Variants in HIPK3 observed in about 807,000 individuals in gnomAD.
HIPK3 encodes homeodomain interacting protein kinase 3.
HIPK3 carries 47 observed loss-of-function variants against 124.2 expected under a neutral mutation model. That is an observed-to-expected ratio of 0.38 (90% CI 0.30 to 0.48). HIPK3 has a LOEUF of 0.48. HIPK3 is among the 20% of genes least tolerant of loss of function. HIPK3 has a pLI of 0.98. For synonymous variants in HIPK3, 482 were observed against 515.2 expected (o/e 0.94, Z 0.87); for missense variants, 1,286 against 1,454.3 (o/e 0.88, Z 1.88).
chr11:33,282,814 T>C (rs1291959131), intron 1 of HIPK3, among the ~76,000 whole-genome samples: 1 of 152,100 alleles, frequency 6.6e-6, no homozygotes, highest in Non-Finnish European at 1.5e-5. Context: ...GGTTCGAACC[T>C]ATAGTCTATT....
chr11:33,287,351 T>C lies in HIPK3; in HGVS notation c.937T>C (p.Leu313=), dbSNP rs1217494938. The C allele has an allele frequency of 6.2e-7, 1 of 1,614,106 alleles. No individual in the cohort carries two copies. Among genetic ancestry groups the C allele is most frequent in the Non-Finnish European group, 8.5e-7 (1 of 1,180,004 alleles). The part of the protein sequence containing the change: ...LQQVATALKK[L]KSLGLIHADL... ...ACAAGTGGCCACTGCACTGAAAAAA[T>C]TGAAAAGTCTTGGTTTAATTCATGC... Residue 313 remains leucine, a synonymous_variant, in exon 2 of 17, where the codon TTG becomes CTG. Transcript: ENST00000303296.
intron 15 of HIPK3, 74 bp from the exon 16 acceptor site, chr11:33,352,064 T>C: frequency 7.0e-7 from 1 of 1,424,778 alleles, no homozygotes. Context: ...TTGTGTAAAA[T>C]ATCTAAAGAC....
intron 2 of HIPK3, among the ~76,000 whole-genome samples, chr11:33,316,965 A>G (rs571681373): frequency 7.2e-5 from 11 of 152,220 alleles, no homozygotes; most frequent in African/African-American, 2.6e-4. Flanking sequence ...TTAAACATTA[A>G]TCTTTTTTTA....
intron 3 of HIPK3, among the ~76,000 whole-genome samples, chr11:33,334,266 G>A (rs1183224581): frequency 6.6e-6 from 1 of 152,146 alleles, no homozygotes. Flanking sequence ...AATTACCTCT[G>A]CTTGGCATCG....
chr11:33,284,601 T>G (rs544808447), intron 1 of HIPK3, among the ~76,000 whole-genome samples: 1 of 152,246 alleles, frequency 6.6e-6, no homozygotes, highest in Admixed American at 6.5e-5. Context: ...GAGGCTGCAG[T>G]GAGCTATGAT....
At chr11:33,272,151 A>C (rs1393898827) in intron 1 of HIPK3, among the ~76,000 whole-genome samples, 2 of 152,182 alleles carry the variant, frequency 1.3e-5, no homozygotes. Context: ...TAATCCCAGC[A>C]CTTTGGGAGG....
chr11:33,344,381 A>G (rs1853433155), intron 8 of HIPK3, among the ~76,000 whole-genome samples: 2 of 152,354 alleles, frequency 1.3e-5, no homozygotes, highest in South Asian at 4.1e-4. Context: ...ATACTGTGGT[A>G]TATTTCACGA....
chr11:33,282,111 C>T (rs946395530), intron 1 of HIPK3, among the ~76,000 whole-genome samples: 1 of 152,176 alleles, frequency 6.6e-6, no homozygotes, highest in African/African-American at 2.4e-5. Flanking sequence ...TGGCCAAGCT[C>T]AGTGGCTCAT....
chr11:33,287,608 C>T (rs1461923908), intron 2 of HIPK3, 97 bp downstream of exon 2: 4 of 1,279,554 alleles, frequency 3.1e-6, no homozygotes, highest in Admixed American at 4.7e-5. Context: ...GAGACCACTT[C>T]AGTTAAATAA....
chr11:33,280,612 C>T (rs1610316), intron 1 of HIPK3, among the ~76,000 whole-genome samples: 101,212 of 151,976 alleles, frequency 0.67, 33,984 homozygotes, highest in Non-Finnish European at 0.72. Context: ...AGCATAGTGG[C>T]TGGGAATTGG....
intron 13 of HIPK3, 107 bp from the exon 14 acceptor site, chr11:33,349,040 G>T: frequency 9.1e-7 from 1 of 1,096,166 alleles, no homozygotes; most frequent in South Asian, 1.6e-5. Context: ...GTCCATGTAG[G>T]TCATTCTTAA....
At chr11:33,351,522 C>A in intron 14 of HIPK3, 86 bp from the exon 15 acceptor site, 1 of 831,984 alleles carries the variant, frequency 1.2e-6, no homozygotes, top group Non-Finnish European at 2.0e-6. Flanking sequence ...ATGTTCTCAT[C>A]AGTTCACTGG....
chr11:33,264,861 C>T (rs1490846610), intron 1 of HIPK3, among the ~76,000 whole-genome samples: 1 of 152,076 alleles, frequency 6.6e-6, no homozygotes, highest in African/African-American at 2.4e-5. Flanking sequence ...CATATAAAGG[C>T]CTAAAAGTGC....
intron 2 of HIPK3, 64 bp from the exon 3 acceptor site, chr11:33,328,446 C>G: frequency 6.7e-7 from 1 of 1,495,530 alleles, no homozygotes; most frequent in South Asian, 1.2e-5. Flanking sequence ...CCTAGAATGC[C>G]AGTTGAAATT....
rs1554963982 is a variant in HIPK3 at position 33,295,282 on chromosome 11, C to CA, written c.1097+7771_1097+7772insA. ...GGAGAGAAGCAGCCACCACCGCCCC[C>CA]CCCCCACAACTCCACCCCATCCCCG... On this transcript the variant is annotated intron_variant, in intron 2 of 16. Coordinates refer to ENST00000303296, the MANE Select transcript of HIPK3 (RefSeq NM_005734.5). Among the ~76,000 whole-genome samples, 220 of 149,390 alleles carry CA rather than the reference C, an allele frequency of 1.5e-3. 4 individuals are homozygous for CA. The highest frequency in any genetic ancestry group is 4.8e-3 in the African/African-American group (195 of 40,416).
At chr11:33,316,537 T>A (rs144099267) in intron 2 of HIPK3, among the ~76,000 whole-genome samples, 20 of 152,288 alleles carry the variant, frequency 1.3e-4, no homozygotes, top group African/African-American at 4.6e-4. Context: ...AGAAAATTGT[T>A]CCTGGCTGGG....
intron 4 of HIPK3, 125 bp from the exon 5 acceptor site, chr11:33,338,632 T>C (rs1317989493): frequency 7.7e-6 from 4 of 519,934 alleles, no homozygotes; most frequent in Non-Finnish European, 1.3e-5. Context: ...AAAAATACAT[T>C]TTTGATAGTG....
intron 8 of HIPK3, among the ~76,000 whole-genome samples, chr11:33,344,033 A>G (rs977217665): frequency 3.2e-4 from 48 of 152,358 alleles, no homozygotes; most frequent in Admixed American, 2.9e-3. Context: ...TGTTTATTAT[A>G]GGAATTTCAA....
rs369147055 is a variant in HIPK3 at position 33,351,679 on chromosome 11, A to G, written c.2879A>G (p.His960Arg). 1.7e-5 allele frequency: 27 copies of G among 1,614,112 alleles called. No individual in the cohort carries two copies. The highest frequency in any genetic ancestry group is 2.2e-5 in the East Asian group (1 of 44,896). ...DGSPTSDSSGHDSPFAESTFV... is the reference protein window; with the variant it reads ...DGSPTSDSSGRDSPFAESTFV... The stretch of plus-strand genomic sequence containing the variant: ...TCTCCGACATCTGACTCTTCCGGGC[A>G]TGACAGTCCATTTGCAGAGAGCACT... Residue 960 changes from histidine to arginine, a missense_variant, in exon 15 of 17, where the codon CAT becomes CGT. Transcript: ENST00000303296.
Sources: gnomAD v4.1 joint callset for allele counts (sites outside exome capture counted in the v4.1 genomes callset) on GRCh38, gnomAD v4.1.1 for gene constraint, MANE v1.5 for transcripts, NCBI Gene and HGNC (gene_info 2026-07-23, HGNC 2026-07-21) for gene names.